Variants in CAMTA1 observed in about 807,000 individuals in gnomAD.
The protein encoded by CAMTA1 is calmodulin-binding transcription activator 1.
In CAMTA1, 27 loss-of-function variants were observed where a neutral mutation model predicts 170.9. That is an observed-to-expected ratio of 0.16 (90% CI 0.12 to 0.22). The LOEUF is 0.22. Among genes scored for constraint, CAMTA1 ranks in the 10% least tolerant of loss-of-function variants. CAMTA1 has a pLI of 1.00. For missense variants in CAMTA1, 1,619 were observed against 2,217.2 expected (o/e 0.73, Z 5.42); for synonymous variants, 833 against 891.5 (o/e 0.93, Z 1.17).
At chr1:6,843,171 T>C (rs909515340) in intron 3 of CAMTA1, among the ~76,000 whole-genome samples, 2 of 152,198 alleles carry the variant, frequency 1.3e-5, no homozygotes, top group Admixed American at 6.5e-5. Context: ...CTGAATAGCC[T>C]AATATGACGA....
At chr1:7,567,904 A>C (rs902472875) in intron 6 of CAMTA1, among the ~76,000 whole-genome samples, 5 of 152,182 alleles carry the variant, frequency 3.3e-5, no homozygotes, top group African/African-American at 9.7e-5. Flanking sequence ...CAGGTATATA[A>C]CCTAAACTTT....
chr1:6,803,655 T>C (rs1052093498), intron 1 of CAMTA1, among the ~76,000 whole-genome samples: 17 of 152,230 alleles, frequency 1.1e-4, no homozygotes, highest in African/African-American at 4.1e-4. Flanking sequence ...AAAGTGTATG[T>C]TTTTAAAGAA....
intron 16 of CAMTA1, among the ~76,000 whole-genome samples, chr1:7,744,142 T>C (rs1460976810): frequency 7.0e-6 from 1 of 142,926 alleles, no homozygotes; most frequent in African/African-American, 2.6e-5. Context: ...TTTTTTTTTT[T>C]TTTTTTTGAG....
intron 11 of CAMTA1, among the ~76,000 whole-genome samples, chr1:7,706,358 C>G (rs1389248187): frequency 6.6e-6 from 1 of 152,168 alleles, no homozygotes. Flanking sequence ...AAATTGTGCT[C>G]CCAAGTTTTA....
At position 7,664,193 on chromosome 1, in the gene CAMTA1, C is replaced by T. The variant is rs1230605537; in HGVS notation, c.1646C>T (p.Ser549Phe). Residue 549 changes from serine (S) to phenylalanine (F), a missense_variant, in exon 9 of 23, where the codon TCC becomes TTC. This residue lies in a region of CAMTA1 where 731 missense variants were observed against 907.6 expected (regional missense o/e 0.81). Transcript: ENST00000303635. ...CAGCAGATGGCCAAAGAAGCGTACT[C>T]CTCCTCCGCGGCGGCTGTGGCAGCC... ...FEQQMAKEAY[S>F]SSAAAVAASS... 5 of 1,612,802 alleles carry T rather than the reference C, an allele frequency of 3.1e-6. No homozygotes were observed. The highest frequency in any genetic ancestry group is 2.5e-6 in the Non-Finnish European group (3 of 1,180,034).
rs567502047 is a variant in CAMTA1, at chr1:7,300,570, G to A, written c.438+50944G>A. Among the ~76,000 whole-genome samples, 3 of 152,226 alleles carry A rather than the reference G, an allele frequency of 2.0e-5. 1 individual carries two copies. Among genetic ancestry groups the A allele is most frequent in the South Asian group, 4.2e-4 (2 of 4,816 alleles). On this transcript the variant is annotated intron_variant, in intron 5 of 22. Coordinates refer to ENST00000303635, the MANE Select transcript of CAMTA1 (RefSeq NM_015215.4). This position sits in a 1 kb window ranked among gnomAD's most constrained non-coding sequence, Gnocchi z 4.1. The stretch of plus-strand genomic sequence containing the variant: ...TAGGCATCTGTAACCCCAGCTATTC[G>A]GGAGGCTGAGGTAGGAGAATCACTT...
chr1:7,436,730 T>A (rs1193222), intron 5 of CAMTA1, among the ~76,000 whole-genome samples: 144,383 of 152,210 alleles, frequency 0.95, 68,581 homozygotes, highest in East Asian at 1. Context: ...TTTTGTTTAG[T>A]TTCTGTCTCT....
At chr1:7,386,262 A>G (rs1401699530) in intron 5 of CAMTA1, among the ~76,000 whole-genome samples, 2 of 152,252 alleles carry the variant, frequency 1.3e-5, no homozygotes, top group Non-Finnish European at 2.9e-5. Context: ...CCCAAGAGGC[A>G]GAGCTCGGTT....
chr1:7,734,849 T>C (rs964898395), intron 12 of CAMTA1, among the ~76,000 whole-genome samples: 1 of 152,224 alleles, frequency 6.6e-6, no homozygotes, highest in Non-Finnish European at 1.5e-5. Context: ...AAAAAAAAAG[T>C]ACTTTTTAAG....
intron 1 of CAMTA1, among the ~76,000 whole-genome samples, chr1:6,789,441 G>GT (rs1380944793): frequency 6.6e-6 from 1 of 151,998 alleles, no homozygotes; most frequent in Non-Finnish European, 1.5e-5. Context: ...AAATCTTAAC[G>GT]TTTTTTTCCC....
rs74051050 is a variant in CAMTA1 at position 6,904,381 on chromosome 1, C to T, written c.234+79171C>T. ...ATCTGGTCCCTGCCCCTTTCAAGGG[C>T]ACCCTCTGAGATGGCTCTCCTGAGC... is the stretch of plus-strand genomic sequence containing the variant. On this transcript the variant is annotated intron_variant, in intron 3 of 22. Transcript: ENST00000303635. Among the ~76,000 whole-genome samples the T allele has an allele frequency of 2.6e-3, 398 of 152,328 alleles. 1 individual carries two copies. Among genetic ancestry groups the T allele is most frequent in the African/African-American group, 9.3e-3 (385 of 41,570 alleles).
In CAMTA1 at chr1:7,602,115, C is replaced by G. The variant is rs1403954246; in HGVS notation, c.511-38285C>G. ...TCCTTCCTTCCTTCCTTCCTTCCTT[C>G]CTTCCTTCCTTCCTTCCTTCCTTCC... On this transcript the variant is annotated intron_variant, in intron 6 of 22. Coordinates refer to ENST00000303635, the MANE Select transcript of CAMTA1 (RefSeq NM_015215.4). Among the ~76,000 whole-genome samples, 81 of 139,372 alleles carry G rather than the reference C, an allele frequency of 5.8e-4. 2 individuals carry two copies. Among genetic ancestry groups the G allele is most frequent in the African/African-American group, 2.2e-3 (77 of 35,084 alleles). 91.4% of individuals were successfully genotyped at this position (139,372 alleles called of 152,430 possible). A position where few individuals can be genotyped will look rare whatever the true frequency, so the allele number is the denominator to read the frequency against.
intron 6 of CAMTA1, among the ~76,000 whole-genome samples, chr1:7,590,072 C>T (rs1000100713): frequency 6.6e-6 from 1 of 152,184 alleles, no homozygotes; most frequent in African/African-American, 2.4e-5. Flanking sequence ...GAGTTTGGAT[C>T]CTTTTCCTGG....
At chr1:7,296,149 A>C (rs1673908886) in intron 5 of CAMTA1, among the ~76,000 whole-genome samples, 1 of 152,220 alleles carries the variant, frequency 6.6e-6, no homozygotes, top group Non-Finnish European at 1.5e-5. Flanking sequence ...TTGCTTCATC[A>C]GAGTGAGCAA....
rs748950274 is a variant in CAMTA1, at chr1:7,482,719, AG to A, written c.510+14819del. Among the ~76,000 whole-genome samples the A allele has an allele frequency of 2.6e-5, 4 of 152,220 alleles. No homozygotes were observed. Among genetic ancestry groups the A allele is most frequent in the Non-Finnish European group, 4.4e-5 (3 of 68,044 alleles). ...ATCCTGAATTGCTAAAAGGTTTCTT[AG>A]TTTGGAGACCAAGTTCTCAGAAAAA... is the stretch of plus-strand genomic sequence containing the variant. On this transcript the variant is annotated intron_variant, in intron 6 of 22. Transcript: ENST00000303635. This position sits in a 1 kb window ranked among gnomAD's most constrained non-coding sequence, Gnocchi z 4.2.
chr1:7,579,366 C>G (rs564406972), intron 6 of CAMTA1, among the ~76,000 whole-genome samples: 64 of 152,244 alleles, frequency 4.2e-4, no homozygotes, highest in African/African-American at 1.4e-3. Flanking sequence ...ATGGAGGGCC[C>G]TGGGCATGGC....
intron 5 of CAMTA1, among the ~76,000 whole-genome samples, chr1:7,252,500 G>A (rs913577957): frequency 2.6e-5 from 4 of 152,222 alleles, no homozygotes; most frequent in Non-Finnish European, 5.9e-5. Flanking sequence ...GGGAAGCCCA[G>A]GGGGTGTGCT....
intron 3 of CAMTA1, among the ~76,000 whole-genome samples, chr1:7,068,379 C>T (rs569782869): frequency 2.5e-4 from 38 of 151,826 alleles, no homozygotes; most frequent in Admixed American, 1.6e-3. Flanking sequence ...TATCAATAAA[C>T]GCTTATTGAG....
At chr1:7,499,219 G>A (rs2093917041) in intron 6 of CAMTA1, among the ~76,000 whole-genome samples, 1 of 132,322 alleles carries the variant, frequency 7.6e-6, no homozygotes. Flanking sequence ...GTGTGCATGT[G>A]TATGTATATG....
Sources: gnomAD v4.1 joint callset for allele counts (sites outside exome capture counted in the v4.1 genomes callset) on GRCh38, gnomAD v4.1.1 for gene constraint, gnomAD v4.1.1 regional missense constraint, Gnocchi (gnomAD v3.1) non-coding constraint, MANE v1.5 for transcripts, NCBI Gene and HGNC (gene_info 2026-07-23, HGNC 2026-07-21) for gene names.